The following CDH18 variants were observed in gnomAD, a reference collection of about 807,000 sequenced individuals.
The protein encoded by CDH18 is cadherin-18.
CDH18 carries 31 observed loss-of-function variants against 67.9 expected under a neutral mutation model. The observed-to-expected ratio is 0.46, with a 90% CI of 0.34 to 0.62. The LOEUF (loss-of-function observed/expected upper bound fraction) is 0.62. CDH18 is among the 20% of genes least tolerant of loss of function. The pLI is 0.01. For missense variants in CDH18, 890 were observed against 975.5 expected (o/e 0.91, Z 1.17); for synonymous variants, 362 against 347.2 (o/e 1.04, Z -0.48).
At chr5:20,541,272 A>G (rs1757034286) in intron 1 of CDH18, among the ~76,000 whole-genome samples, 1 of 152,166 alleles carries the variant, frequency 6.6e-6, no homozygotes, top group South Asian at 2.1e-4. Flanking sequence ...CTACTTAGAA[A>G]GCTTTTTTGT....
intron 1 of CDH18, among the ~76,000 whole-genome samples, chr5:20,540,032 A>C (rs1756966184): frequency 6.6e-6 from 1 of 152,158 alleles, no homozygotes. Context: ...TCTAACTTTT[A>C]GTGTCTGAAT....
At position 20,463,302 on chromosome 5, in the gene CDH18, G is replaced by GA. The variant is rs140023840; in HGVS notation, c.-580+112159dup. On this transcript the variant is annotated intron_variant, in intron 1 of 14. Transcript: ENST00000507958. Reference sequence around the variant, plus strand: ...GTTAAGGCTGAGATTAGTAAAACAAGAAAAAAAAAAAGAGACAACTGACAA... The same window carrying GA: ...GTTAAGGCTGAGATTAGTAAAACAAGAAAAAAAAAAAAGAGACAACTGACAA... Among the ~76,000 whole-genome samples, 362 of 139,118 alleles carry GA rather than the reference G, an allele frequency of 2.6e-3. 2 individuals carry two copies. The highest frequency in any genetic ancestry group is 8.2e-3 in the African/African-American group (312 of 37,982). 91.3% of individuals were successfully genotyped at this position (139,118 alleles called of 152,430 possible). A position where few individuals can be genotyped will look rare whatever the true frequency, so the allele number is the denominator to read the frequency against.
chr5:19,863,954 G>T (rs1785178961), intron 2 of CDH18, among the ~76,000 whole-genome samples: 3 of 151,932 alleles, frequency 2.0e-5, no homozygotes, highest in Admixed American at 2.0e-4. Flanking sequence ...TTCAACCATT[G>T]TGGAAGTCAG....
chr5:20,154,136 T>C (rs1751345682), intron 2 of CDH18, among the ~76,000 whole-genome samples: 1 of 152,062 alleles, frequency 6.6e-6, no homozygotes, highest in Non-Finnish European at 1.5e-5. Flanking sequence ...TTGGAGAGAG[T>C]TGGCTTTCTC....
chr5:20,376,091 A>T lies in CDH18; in HGVS notation c.-579-120586T>A, dbSNP rs1359103018. On this transcript the variant is annotated intron_variant, in intron 1 of 14. Transcript: ENST00000507958. ...ACAGTAAGCAATTTAAAAAGAAACA[A>T]TTTTTTTTTTTTTTTTTTTTGAGAC... 8.2e-4 allele frequency among the ~76,000 whole-genome samples: 41 copies of T among 49,762 alleles called. 1 individual carries two copies. In the East Asian group the frequency reaches 0.015, roughly 18 times the overall value. 32.6% of individuals were successfully genotyped at this position (49,762 alleles called of 152,430 possible).
At position 20,375,680 on chromosome 5, in the gene CDH18, G is replaced by GTTTT. The variant is rs143611011; in HGVS notation, c.-579-120176_-579-120175insAAAA. Among the ~76,000 whole-genome samples the GTTTT allele has an allele frequency of 7.1e-3, 1,078 of 152,118 alleles. 8 individuals are homozygous for GTTTT. The highest frequency in any genetic ancestry group is 0.024 in the African/African-American group (1,011 of 41,502). Reference sequence around the variant, plus strand: ...GGGCAAATAACTCCTTTGTTTGTTTGTTCCACAGAGCATAATTTTCCCTCT... The same window carrying GTTTT: ...GGGCAAATAACTCCTTTGTTTGTTTGTTTTTTCCACAGAGCATAATTTTCCCTCT... On this transcript the variant is annotated intron_variant, in intron 1 of 14. Transcript: ENST00000507958.
intron 5 of CDH18, among the ~76,000 whole-genome samples, chr5:19,700,053 C>T (rs1763034283): frequency 6.6e-6 from 1 of 152,040 alleles, no homozygotes; most frequent in Non-Finnish European, 1.5e-5. Flanking sequence ...TCTAGAAATA[C>T]TTATGCCCTC....
At chr5:19,487,219 T>A (rs1240808547) in intron 11 of CDH18, among the ~76,000 whole-genome samples, 1 of 152,108 alleles carries the variant, frequency 6.6e-6, no homozygotes, top group African/African-American at 2.4e-5. Flanking sequence ...GGTAGGTAAA[T>A]AGGTACATAG....
intron 1 of CDH18, among the ~76,000 whole-genome samples, chr5:20,573,125 A>G (rs1758902372): frequency 6.6e-6 from 1 of 152,094 alleles, no homozygotes; most frequent in African/African-American, 2.4e-5. Context: ...TTACAGGAGA[A>G]ATTACAGAAT....
intron 3 of CDH18, among the ~76,000 whole-genome samples, chr5:19,812,227 C>T (rs1248096515): frequency 1.3e-5 from 2 of 152,006 alleles, no homozygotes; most frequent in East Asian, 3.9e-4. Flanking sequence ...CAGTAAAAAG[C>T]AAATTGAAGC....
At chr5:19,503,210 CT>C in intron 10 of CDH18, 101 bp from the exon 11 acceptor site, 1 of 631,474 alleles carries the variant, frequency 1.6e-6, no homozygotes, top group Non-Finnish European at 2.8e-6. Flanking sequence ...TTTAAAGGAT[CT>C]TTTCTTCCAA....
At chr5:19,665,825 A>T (rs960695993) in intron 5 of CDH18, among the ~76,000 whole-genome samples, 1 of 152,082 alleles carries the variant, frequency 6.6e-6, no homozygotes, top group Non-Finnish European at 1.5e-5. Context: ...AGAACATTTA[A>T]ATTTAAGTTC....
chr5:20,044,174 TA>T (rs66616939), intron 2 of CDH18, among the ~76,000 whole-genome samples: 118,313 of 150,902 alleles, frequency 0.78, 49,013 homozygotes, highest in Non-Finnish European at 0.91. Flanking sequence ...ATTTAACTGT[TA>T]AAAAAAAAAC....
At chr5:20,080,638 G>T (rs1034819290) in intron 2 of CDH18, among the ~76,000 whole-genome samples, 3 of 152,084 alleles carry the variant, frequency 2.0e-5, no homozygotes, top group Non-Finnish European at 4.4e-5. Flanking sequence ...AGTATATTCA[G>T]TGTATCTGAG....
intron 1 of CDH18, among the ~76,000 whole-genome samples, chr5:20,500,871 T>C (rs879562473): frequency 3.9e-5 from 6 of 152,194 alleles, no homozygotes; most frequent in Non-Finnish European, 5.9e-5. Flanking sequence ...CATTGAACAT[T>C]AATGTTGACA....
At chr5:19,907,638 C>T (rs577238638) in intron 2 of CDH18, among the ~76,000 whole-genome samples, 1 of 151,956 alleles carries the variant, frequency 6.6e-6, no homozygotes, top group African/African-American at 2.4e-5. Context: ...TTTAAATAGC[C>T]TCATAAGGCT....
At chr5:20,072,427 T>C (rs1414799529) in intron 2 of CDH18, among the ~76,000 whole-genome samples, 1 of 151,980 alleles carries the variant, frequency 6.6e-6, no homozygotes, top group East Asian at 1.9e-4. Context: ...AGATTGAAGA[T>C]TAAAAATTCA....
chr5:19,565,497 T>C (rs550426893), intron 8 of CDH18, among the ~76,000 whole-genome samples: 2 of 152,310 alleles, frequency 1.3e-5, no homozygotes, highest in South Asian at 4.1e-4. Context: ...GGGCTTGGGG[T>C]ACCCCCTAAT....
At chr5:20,121,490 C>T (rs958259635) in intron 2 of CDH18, among the ~76,000 whole-genome samples, 1 of 152,044 alleles carries the variant, frequency 6.6e-6, no homozygotes, top group African/African-American at 2.4e-5. Flanking sequence ...TAGATATTTA[C>T]CACTCTTGTA....
Sources: gnomAD v4.1 joint callset for allele counts (sites outside exome capture counted in the v4.1 genomes callset) on GRCh38, gnomAD v4.1.1 for gene constraint, MANE v1.5 for transcripts, NCBI Gene and HGNC (gene_info 2026-07-23, HGNC 2026-07-21) for gene names.